C12orf42: variants seen among roughly 807,000 people sequenced by gnomAD.
C12orf42 encodes uncharacterized protein C12orf42.
In C12orf42, 25 loss-of-function variants were observed where a neutral mutation model predicts 21.6. The observed-to-expected ratio is 1.16, with a 90% CI of 0.84 to 1.62. The LOEUF (loss-of-function observed/expected upper bound fraction) is 1.62, where lower values mean the gene tolerates loss of function less well. C12orf42 is among the 40% of genes most tolerant of loss of function. The probability of loss-of-function intolerance (pLI) is 0.00; values close to 1 mark genes in which losing one functional copy is unlikely to be tolerated. For missense variants in C12orf42, 483 were observed against 459.3 expected, an observed-to-expected ratio of 1.05 and a Z score of -0.47; for synonymous variants, 174 against 175.0, an observed-to-expected ratio of 0.99 and a Z score of 0.05.
At chr12:103,073,020 C>T in the C12orf42 span, among the ~76,000 whole-genome samples, 7 of 152,090 alleles carry the variant, frequency 4.6e-5, no homozygotes, top group African/African-American at 1.4e-4. Context: ...GAGATTATGT[C>T]CTTTGCCAGG....
the C12orf42 span, among the ~76,000 whole-genome samples, chr12:103,126,239 T>C: frequency 6.6e-6 from 1 of 152,158 alleles, no homozygotes; most frequent in Admixed American, 6.5e-5. Context: ...ACTAACCTCC[T>C]AGACATGGTT....
chr12:103,296,445 C>A (rs1313301652), intron 4 of C12orf42, among the ~76,000 whole-genome samples: 1 of 152,082 alleles, frequency 6.6e-6, no homozygotes, highest in Non-Finnish European at 1.5e-5. Flanking sequence ...CCACAGTCTT[C>A]CACAATGGTT....
At chr12:103,164,704 GGA>G in the C12orf42 span, 1 of 455,082 alleles carries the variant, frequency 2.2e-6, no homozygotes, top group Non-Finnish European at 4.4e-6. Flanking sequence ...CAAAGCTCTT[GGA>G]GAGCGGAAAC....
chr12:103,347,456 G>C (rs1178847231), intron 4 of C12orf42, among the ~76,000 whole-genome samples: 1 of 152,058 alleles, frequency 6.6e-6, no homozygotes, highest in Non-Finnish European at 1.5e-5. Context: ...GTCTATCATT[G>C]ATGGACATTT....
chr12:103,252,987 G>A (rs1024158488), intron 10 of C12orf42, among the ~76,000 whole-genome samples: 1 of 152,092 alleles, frequency 6.6e-6, no homozygotes, highest in African/African-American at 2.4e-5. Context: ...TTTGTATAAG[G>A]TGTAAGGAAG....
chr12:103,191,802 G>A, the C12orf42 span, among the ~76,000 whole-genome samples: 1 of 150,974 alleles, frequency 6.6e-6, no homozygotes, highest in African/African-American at 2.4e-5. Context: ...CATAAAAATT[G>A]GTTAATAAAT....
At chr12:103,394,910 C>A (rs2047386870) in intron 3 of C12orf42, among the ~76,000 whole-genome samples, 1 of 152,192 alleles carries the variant, frequency 6.6e-6, no homozygotes, top group African/African-American at 2.4e-5. Flanking sequence ...AAAGCAAGGT[C>A]ATTCCAGGAA....
chr12:103,424,852 G>A (rs1949673175), intron 2 of C12orf42, among the ~76,000 whole-genome samples: 1 of 152,172 alleles, frequency 6.6e-6, no homozygotes, highest in Non-Finnish European at 1.5e-5. Flanking sequence ...TCATTGCCCT[G>A]GAAAGGGGGC....
intron 3 of C12orf42, chr12:103,396,686 A>G (rs912293550): frequency 2.0e-5 from 3 of 152,180 alleles, no homozygotes; most frequent in African/African-American, 7.2e-5. Flanking sequence ...TTTTGAGGCA[A>G]GTGGGGCTCA....
At chr12:103,272,572 C>T (rs1310151770) in intron 5 of C12orf42, among the ~76,000 whole-genome samples, 1 of 152,118 alleles carries the variant, frequency 6.6e-6, no homozygotes, top group Non-Finnish European at 1.5e-5. Flanking sequence ...AGAAAGAACA[C>T]CCTTATTTTC....
intron 4 of C12orf42, among the ~76,000 whole-genome samples, chr12:103,359,035 C>A (rs1013510575): frequency 6.6e-6 from 1 of 152,040 alleles, no homozygotes; most frequent in African/African-American, 2.4e-5. Context: ...CTTCTTCTGG[C>A]CACACTGGTC....
intron 2 of C12orf42, among the ~76,000 whole-genome samples, chr12:103,474,454 A>ATGTGTATGTGTG (rs71097981): frequency 3.0e-4 from 45 of 149,374 alleles, no homozygotes; most frequent in African/African-American, 6.9e-4. Flanking sequence ...GTATGTATGT[A>ATGTGTATGTGTG]TGTGTGTGTG....
intron 3 of C12orf42, among the ~76,000 whole-genome samples, chr12:103,386,973 A>C (rs1468268338): frequency 6.6e-6 from 1 of 152,196 alleles, no homozygotes; most frequent in Non-Finnish European, 1.5e-5. Context: ...CAGCCCTCCC[A>C]CAGCTCCACA....
In C12orf42 at chr12:103,350,487, G is replaced by A. The variant is rs569059286; in HGVS notation, c.259+18400C>T. Among the ~76,000 whole-genome samples, 60 of 152,246 alleles carry A rather than the reference G, an allele frequency of 3.9e-4. 1 individual carries two copies. The highest frequency in any genetic ancestry group is 1.8e-3 in the Admixed American group (28 of 15,286). The stretch of plus-strand genomic sequence containing the variant: ...ACAAGAGTAGTGATACTGGCGTAAG[G>A]TTATAATTGTTCTATTTTATTATTA... On this transcript the variant is annotated intron_variant, in intron 4 of 5. Coordinates refer to ENST00000548883, the MANE Select transcript of C12orf42 (RefSeq NM_198521.5).
intron 4 of C12orf42, among the ~76,000 whole-genome samples, chr12:103,294,568 A>AAAGGAAGGAAGGAAGGAAGG (rs763931253): frequency 1.0e-4 from 12 of 119,628 alleles, no homozygotes; most frequent in African/African-American, 3.5e-4. Context: ...AAAGAAAAAG[A>AAAGGAAGGAAGGAAGGAAGG]AAGGAAGGAA....
At chr12:103,366,265 A>G (rs2044592458) in intron 4 of C12orf42, among the ~76,000 whole-genome samples, 1 of 152,160 alleles carries the variant, frequency 6.6e-6, no homozygotes, top group African/African-American at 2.4e-5. Context: ...AGCCACATGT[A>G]GAAGAATGAA....
chr12:103,241,045 C>T (rs1282874589), intron 10 of C12orf42, among the ~76,000 whole-genome samples: 1 of 152,106 alleles, frequency 6.6e-6, no homozygotes, highest in Non-Finnish European at 1.5e-5. Flanking sequence ...TTGCAAATGT[C>T]TAATTATATT....
the C12orf42 span, among the ~76,000 whole-genome samples, chr12:103,221,271 T>C: frequency 5.3e-5 from 8 of 152,190 alleles, no homozygotes; most frequent in Non-Finnish European, 1.0e-4. Flanking sequence ...TTTTTAAGTG[T>C]TATATTTTGG....
At chr12:103,548,440 G>A in the C12orf42 span, among the ~76,000 whole-genome samples, 3 of 152,110 alleles carry the variant, frequency 2.0e-5, no homozygotes, top group Non-Finnish European at 4.4e-5. Flanking sequence ...AATCAGCCAC[G>A]ATTTAGATAA....
Sources: gnomAD v4.1 joint callset for allele counts (sites outside exome capture counted in the v4.1 genomes callset) on GRCh38, gnomAD v4.1.1 for gene constraint, MANE v1.5 for transcripts, NCBI Gene and HGNC (gene_info 2026-07-23, HGNC 2026-07-21) for gene names.